The following ATE1 variants were observed in gnomAD, a reference collection of about 807,000 sequenced individuals.
ATE1 encodes arginyltransferase 1.
Under a neutral mutation model 70.5 loss-of-function variants are expected in ATE1, and 36 were observed. The ratio of observed to expected loss-of-function variants is 0.51; its 90% CI spans 0.39 to 0.67. The LOEUF is 0.67. Ranked by LOEUF, ATE1 falls within the 30% of genes least tolerant of loss-of-function variation. ATE1 has a pLI of 0.00. For missense variants in ATE1, 593 were observed against 629.5 expected (o/e 0.94, Z 0.62); for synonymous variants, 232 against 219.3 (o/e 1.06, Z -0.51).
At chr10:121,863,253 T>C (rs1288740207) in intron 8 of ATE1, among the ~76,000 whole-genome samples, 1 of 124,114 alleles carries the variant, frequency 8.1e-6, no homozygotes, top group East Asian at 2.2e-4. Flanking sequence ...TGAAGTCTAC[T>C]TTTTTTTTTT....
intron 7 of ATE1, chr10:121,899,037 G>A: frequency 3.9e-6 from 6 of 1,547,236 alleles, no homozygotes; most frequent in Non-Finnish European, 5.3e-6. Flanking sequence ...CTGAAGGTGA[G>A]GCTACAGTAA....
chr10:121,928,296 G>C, upstream of ATE1: 1 of 1,497,956 alleles, frequency 6.7e-7, no homozygotes, highest in Non-Finnish European at 8.9e-7. Context: ...CCCGCCGAGG[G>C]CCTGTGCGGG....
intron 5 of ATE1, among the ~76,000 whole-genome samples, chr10:121,904,073 G>A (rs889334410): frequency 4.6e-5 from 7 of 150,892 alleles, no homozygotes; most frequent in African/African-American, 1.2e-4. Flanking sequence ...TCTGCCTACC[G>A]GACCATTCGA....
intron 7 of ATE1, among the ~76,000 whole-genome samples, chr10:121,888,854 A>C (rs537147480): frequency 2.0e-5 from 3 of 152,306 alleles, no homozygotes; most frequent in African/African-American, 7.2e-5. Context: ...ACACTACCAT[A>C]ATGTTGGGCA....
intron 11 of ATE1, among the ~76,000 whole-genome samples, chr10:121,775,667 G>A (rs1465999499): frequency 1.3e-5 from 2 of 152,154 alleles, no homozygotes; most frequent in Non-Finnish European, 1.5e-5. Flanking sequence ...GTACAAAGTT[G>A]GCATTTTATT....
intron 10 of ATE1, among the ~76,000 whole-genome samples, chr10:121,804,049 G>A (rs1946998569): frequency 6.6e-6 from 1 of 152,198 alleles, no homozygotes; most frequent in Non-Finnish European, 1.5e-5. Context: ...GAAAGTTAAT[G>A]TAACAGCTTT....
rs576071861 is a variant in ATE1 at position 121,916,558 on chromosome 10, G to A, written c.234-2665C>T. On this transcript the variant is annotated intron_variant, in intron 3 of 11. Coordinates refer to ENST00000224652, the MANE Select transcript of ATE1 (RefSeq NM_001001976.3). ...AGGTGCTAAAAAGAATCCCCAGGCC[G>A]GGCGCGGTGGCTCACGCTTGCAATC... Among the ~76,000 whole-genome samples the A allele has an allele frequency of 4.4e-4, 67 of 152,210 alleles. 1 individual carries two copies. The highest frequency in any genetic ancestry group is 1.6e-3 in the African/African-American group (66 of 41,540).
At chr10:121,759,872 G>A (rs1293239708) in intron 11 of ATE1, among the ~76,000 whole-genome samples, 1 of 152,174 alleles carries the variant, frequency 6.6e-6, no homozygotes, top group Admixed American at 6.5e-5. Context: ...GTCTTCTACT[G>A]GAAGAAGCTG....
At chr10:121,920,190 CA>C (rs200560548) in intron 3 of ATE1, among the ~76,000 whole-genome samples, 35 of 150,234 alleles carry the variant, frequency 2.3e-4, no homozygotes, top group Non-Finnish European at 3.4e-4. Flanking sequence ...CATTTTCTAT[CA>C]AAAAAAAAGG....
At chr10:121,884,433 C>A (rs1950318297) in intron 7 of ATE1, among the ~76,000 whole-genome samples, 2 of 151,380 alleles carry the variant, frequency 1.3e-5, no homozygotes, top group African/African-American at 4.9e-5. Context: ...GGTCTCCTCT[C>A]AAAAAAAAGG....
intron 10 of ATE1, among the ~76,000 whole-genome samples, chr10:121,823,089 G>C (rs1188196481): frequency 6.6e-6 from 1 of 152,080 alleles, no homozygotes; most frequent in Non-Finnish European, 1.5e-5. Flanking sequence ...AGGAGATCGA[G>C]ACCATCCTGG....
At chr10:121,804,469 T>C (rs2016411154) in intron 10 of ATE1, among the ~76,000 whole-genome samples, 1 of 152,202 alleles carries the variant, frequency 6.6e-6, no homozygotes, top group Non-Finnish European at 1.5e-5. Context: ...AATAGTTTAA[T>C]AAAATTGAAG....
chr10:121,876,742 G>C (rs192076819), intron 7 of ATE1, among the ~76,000 whole-genome samples: 1 of 152,068 alleles, frequency 6.6e-6, no homozygotes, highest in Non-Finnish European at 1.5e-5. Flanking sequence ...CGAGGCGGGC[G>C]GATCACGATG....
intron 11 of ATE1, 120 bp downstream of exon 11, chr10:121,790,049 T>G: frequency 3.9e-6 from 4 of 1,018,436 alleles, no homozygotes; most frequent in Non-Finnish European, 5.5e-6. Flanking sequence ...CACACACTCA[T>G]GCACAGCATA....
rs1296938191 is a variant in ATE1, at chr10:121,790,957, T to TAC, written c.1258-669_1258-668insGT. Among the ~76,000 whole-genome samples, 2 of 131,462 alleles carry TAC rather than the reference T, an allele frequency of 1.5e-5. 1 individual carries two copies. The highest frequency in any genetic ancestry group is 3.4e-5 in the Non-Finnish European group (2 of 59,106). 86.2% of individuals were successfully genotyped at this position (131,462 alleles called of 152,430 possible). On this transcript the variant is annotated intron_variant, in intron 10 of 11. Coordinates refer to ENST00000224652, the MANE Select transcript of ATE1 (RefSeq NM_001001976.3). Reference sequence around the variant, plus strand: ...TTATGTGTACATATATATGTGTATATATATATGTGTGTGTACATATATGTG... The same window carrying TAC: ...TTATGTGTACATATATATGTGTATATACATATATGTGTGTGTACATATATGTG...
intron 1 of ATE1, among the ~76,000 whole-genome samples, chr10:121,925,472 CAAGGAACAGGAAGA>C (rs957911323): frequency 6.6e-6 from 1 of 150,786 alleles, no homozygotes; most frequent in Non-Finnish European, 1.5e-5. Flanking sequence ...ACTCAAATGC[CAAGGAACAGGAAGA>C]TGATTACAGG....
At chr10:121,853,330 C>A (rs1385416025) in intron 8 of ATE1, among the ~76,000 whole-genome samples, 2 of 147,542 alleles carry the variant, frequency 1.4e-5, no homozygotes, top group Non-Finnish European at 3.0e-5. Flanking sequence ...TGCCACTGAT[C>A]CAGCCTGGGG....
rs138533243 is a variant in ATE1 at position 121,895,571 on chromosome 10, G to A, written c.942+4295C>T. Among the ~76,000 whole-genome samples, 113 of 151,962 alleles carry A rather than the reference G, an allele frequency of 7.4e-4. 1 individual carries two copies. The highest frequency in any genetic ancestry group is 2.6e-3 in the African/African-American group (107 of 41,448). ...GGAGGTTGCAGTGAGCAGAGATCAC[G>A]CCATCGCACTCCAGCCTGGTTGACA... On this transcript the variant is annotated intron_variant, in intron 7 of 11. Transcript: ENST00000224652.
chr10:121,894,004 G>A (rs1471834346), intron 7 of ATE1, among the ~76,000 whole-genome samples: 3 of 152,174 alleles, frequency 2.0e-5, no homozygotes, highest in East Asian at 1.9e-4. Context: ...GGGCGTGGTG[G>A]CACACGCCTG....
Sources: allele counts gnomAD v4.1 joint callset (sites outside exome capture counted in the v4.1 genomes callset), GRCh38; gene constraint gnomAD v4.1.1; transcripts MANE v1.5; gene names NCBI Gene and HGNC (gene_info 2026-07-23, HGNC 2026-07-21).